Variants in ABLIM1 observed in about 807,000 individuals in gnomAD.
ABLIM1 encodes actin-binding LIM protein 1.
A neutral mutation model predicts 107.0 loss-of-function variants in ABLIM1; 40 were observed. That is an observed-to-expected ratio of 0.37 (90% CI 0.29 to 0.49). The LOEUF is 0.49. Among genes scored for constraint, ABLIM1 ranks in the 20% least tolerant of loss-of-function variants. The pLI is 0.97. For synonymous variants in ABLIM1, 357 were observed against 357.3 expected, an observed-to-expected ratio of 1.00 and a Z score of 0.01; for missense variants, 857 against 1,008.5, an observed-to-expected ratio of 0.85 and a Z score of 2.04.
chr10:114,518,844 G>T (rs1363764582), intron 6 of ABLIM1, among the ~76,000 whole-genome samples: 1 of 151,748 alleles, frequency 6.6e-6, no homozygotes, highest in Non-Finnish European at 1.5e-5. Context: ...TTTAGAAGTT[G>T]TCTGCTCAGA....
chr10:114,704,271 G>GCTCTCTCTCTCTCTCTCTCTCTCTCT (rs1215619815), intron 1 of ABLIM1, among the ~76,000 whole-genome samples: 1 of 40,958 alleles, frequency 2.4e-5, no homozygotes, highest in Non-Finnish European at 5.3e-5. Flanking sequence ...TCTCTCTCTC[G>GCTCTCTCTCTCTCTCTCTCTCTCTCT]CTCTCTCTCT....
chr10:114,460,803 A>G (rs1167875397), intron 12 of ABLIM1, among the ~76,000 whole-genome samples: 2 of 152,162 alleles, frequency 1.3e-5, no homozygotes, highest in East Asian at 1.9e-4. Flanking sequence ...CCAGATTCCA[A>G]TGCCCATGGG....
upstream of ABLIM1, among the ~76,000 whole-genome samples, chr10:114,661,150 C>T (rs574843085): frequency 1.3e-5 from 2 of 152,066 alleles, no homozygotes; most frequent in African/African-American, 4.8e-5. Flanking sequence ...CGGAATTATA[C>T]GTAAGAATTT....
intron 15 of ABLIM1, among the ~76,000 whole-genome samples, chr10:114,445,915 G>A (rs982632237): frequency 2.0e-5 from 3 of 152,136 alleles, no homozygotes; most frequent in African/African-American, 4.8e-5. Flanking sequence ...GACCACAGGT[G>A]TATGCCACCA....
intron 1 of ABLIM1, among the ~76,000 whole-genome samples, chr10:114,663,800 T>C (rs2079893796): frequency 6.6e-6 from 1 of 152,136 alleles, no homozygotes; most frequent in Non-Finnish European, 1.5e-5. Context: ...TAGCTGAGCG[T>C]AGAACCAGAA....
intron 1 of ABLIM1, among the ~76,000 whole-genome samples, chr10:114,634,255 C>T (rs963121861): frequency 6.9e-5 from 10 of 145,450 alleles, no homozygotes; most frequent in Non-Finnish European, 1.3e-4. Context: ...GCCTCAGCCT[C>T]CCGAGTAGCT....
Position 114,657,943 on chromosome 10 carries a change from G to T in ABLIM1, c.244+14C>A. 1 of 1,598,598 alleles carries T rather than the reference G, an allele frequency of 6.3e-7. No homozygotes were observed. The highest frequency in any genetic ancestry group is 8.6e-7 in the Non-Finnish European group (1 of 1,167,562). On this transcript the variant is annotated intron_variant, in intron 1 of 22. Transcript: ENST00000533213. Reference sequence around the variant, plus strand: ...AAACACAAAACCATGTCCAGAGAGGGTTATTTTACTTACCAAAAGGATCAA... The same window carrying T: ...AAACACAAAACCATGTCCAGAGAGGTTTATTTTACTTACCAAAAGGATCAA...
intron 6 of ABLIM1, among the ~76,000 whole-genome samples, chr10:114,498,877 T>C (rs992602593): frequency 4.6e-5 from 7 of 152,208 alleles, no homozygotes; most frequent in Non-Finnish European, 1.0e-4. Flanking sequence ...AGAAGGTAGG[T>C]TTCCTGATTC....
chr10:114,732,728 C>T (rs1010351758), intron 1 of ABLIM1, among the ~76,000 whole-genome samples: 1 of 151,916 alleles, frequency 6.6e-6, no homozygotes, highest in African/African-American at 2.4e-5. Flanking sequence ...TATAAACTGC[C>T]TTAAATTATT....
At chr10:114,536,964 T>C (rs2066108591) in intron 6 of ABLIM1, among the ~76,000 whole-genome samples, 1 of 152,170 alleles carries the variant, frequency 6.6e-6, no homozygotes, top group African/African-American at 2.4e-5. Context: ...ATGAGCAAAG[T>C]CACTGATTTT....
intron 1 of ABLIM1, among the ~76,000 whole-genome samples, chr10:114,613,373 G>A (rs2076938101): frequency 6.6e-6 from 1 of 152,172 alleles, no homozygotes; most frequent in Non-Finnish European, 1.5e-5. Context: ...CCAACTGTAT[G>A]GTTGACTCCA....
chr10:114,749,484 A>ACACACACC (rs1351695543), intron 1 of ABLIM1, among the ~76,000 whole-genome samples: 3 of 132,910 alleles, frequency 2.3e-5, no homozygotes, highest in Non-Finnish European at 3.5e-5. Flanking sequence ...ACACACACAC[A>ACACACACC]CCACAAAACC....
chr10:114,611,469 A>AG (rs2076805539), intron 1 of ABLIM1, among the ~76,000 whole-genome samples: 2 of 103,506 alleles, frequency 1.9e-5, no homozygotes, highest in South Asian at 7.4e-4. Flanking sequence ...GACTCTGCCT[A>AG]GAAAAAAAAA....
rs138272125 is a variant in ABLIM1 at position 114,444,052 on chromosome 10, C to T, written c.1910G>A (p.Arg637His). 1.1e-4 allele frequency: 182 copies of T among 1,611,112 alleles called. No individual in the cohort carries two copies. The highest frequency in any genetic ancestry group is 8.8e-5 in the South Asian group (8 of 90,656). Residue 637 changes from arginine to histidine, a missense_variant, in exon 17 of 23, where the codon CGC becomes CAC. Around this residue, in one of 5 missense-constraint regions of ABLIM1, gnomAD observed 193 missense variants for 208.5 expected, o/e 0.93. Transcript: ENST00000533213. ...SRERSSLLAS[R>H]YDSPINSASH... ...ACCTGAGTTGATGGGAGAATCGTAG[C>T]GACTGGCTAACAGAGATGACCTTTC... is the stretch of plus-strand genomic sequence containing the variant.
chr10:114,604,439 GT>G (rs1034318660), intron 1 of ABLIM1, among the ~76,000 whole-genome samples: 4 of 152,250 alleles, frequency 2.6e-5, no homozygotes, highest in African/African-American at 9.6e-5. Context: ...TAGCAATAAG[GT>G]TTTTGATAAC....
chr10:114,661,976 T>C (rs575756352), upstream of ABLIM1, among the ~76,000 whole-genome samples: 4 of 152,320 alleles, frequency 2.6e-5, no homozygotes, highest in East Asian at 5.8e-4. Context: ...CTGCTCTTTC[T>C]TCATCAGTCA....
chr10:114,450,411 G>A (rs1047849624), intron 14 of ABLIM1, among the ~76,000 whole-genome samples: 3 of 147,922 alleles, frequency 2.0e-5, no homozygotes, highest in Non-Finnish European at 3.0e-5. Flanking sequence ...TTTTCACATC[G>A]TCCTAATTCT....
At chr10:114,773,565 T>A in the ABLIM1 span, among the ~76,000 whole-genome samples, 8 of 152,022 alleles carry the variant, frequency 5.3e-5, no homozygotes, top group African/African-American at 1.9e-4. Context: ...CTACTAAAAA[T>A]TTAAAAATTA....
chr10:114,615,720 C>G, intron 1 of ABLIM1: 1 of 356,106 alleles, frequency 2.8e-6, no homozygotes, highest in Non-Finnish European at 6.0e-6. Context: ...CTTGGGTTCA[C>G]CAACAGTGTC....
Sources: gnomAD v4.1 joint callset for allele counts (sites outside exome capture counted in the v4.1 genomes callset) on GRCh38, gnomAD v4.1.1 for gene constraint, gnomAD v4.1.1 regional missense constraint, MANE v1.5 for transcripts, NCBI Gene and HGNC (gene_info 2026-07-23, HGNC 2026-07-21) for gene names.